Variants in BRAF observed in about 807,000 individuals in gnomAD.
BRAF encodes serine/threonine-protein kinase B-raf.
A neutral mutation model predicts 104.6 loss-of-function variants in BRAF; 16 were observed. The observed-to-expected ratio is 0.15, with a 90% CI of 0.10 to 0.23. The LOEUF (loss-of-function observed/expected upper bound fraction) is 0.23. Ranked by LOEUF, BRAF falls within the 10% of genes least tolerant of loss-of-function variation. The pLI is 1.00. For missense variants in BRAF, 541 were observed against 937.3 expected (o/e 0.58, Z 5.52); for synonymous variants, 310 against 341.6 (o/e 0.91, Z 1.02).
At chr7:140,910,377 T>C (rs577163751) in intron 1 of BRAF, among the ~76,000 whole-genome samples, 13 of 152,358 alleles carry the variant, frequency 8.5e-5, no homozygotes, top group African/African-American at 3.1e-4. Flanking sequence ...TTCCCATGTC[T>C]TCTTGATCTG....
intron 7 of BRAF, chr7:140,799,767 T>C (rs1192165156): frequency 4.2e-6 from 1 of 236,932 alleles, no homozygotes; most frequent in African/African-American, 2.2e-5. Context: ...ATATACTCCA[T>C]CATAAATTGT....
chr7:140,883,910 C>G (rs2129106615), intron 1 of BRAF, among the ~76,000 whole-genome samples: 1 of 152,268 alleles, frequency 6.6e-6, no homozygotes, highest in East Asian at 1.9e-4. Context: ...TAAGGTTTAG[C>G]AGGTTAAGTA....
chr7:140,752,304 C>A (rs553449682), intron 16 of BRAF, among the ~76,000 whole-genome samples: 1 of 152,272 alleles, frequency 6.6e-6, no homozygotes, highest in African/African-American at 2.4e-5. Context: ...GTAGCTGGAA[C>A]TATGGACTCC....
intron 14 of BRAF, among the ~76,000 whole-genome samples, chr7:140,767,698 C>T (rs1181742816): frequency 6.6e-6 from 1 of 152,126 alleles, no homozygotes; most frequent in Non-Finnish European, 1.5e-5. Flanking sequence ...TTCGAAGGGA[C>T]TGAATAAGTT....
chr7:140,913,957 A>G (rs1057199684), intron 1 of BRAF, among the ~76,000 whole-genome samples: 2 of 152,218 alleles, frequency 1.3e-5, no homozygotes, highest in African/African-American at 4.8e-5. Flanking sequence ...TTTTAAAGTA[A>G]CATTAATAGA....
chr7:140,795,155 T>C (rs1265952554), intron 7 of BRAF, among the ~76,000 whole-genome samples: 1 of 152,240 alleles, frequency 6.6e-6, no homozygotes, highest in Non-Finnish European at 1.5e-5. Context: ...GTTACATTTG[T>C]ATGCTATTTG....
intron 3 of BRAF, among the ~76,000 whole-genome samples, chr7:140,829,993 G>A (rs1806539304): frequency 6.6e-6 from 1 of 152,006 alleles, no homozygotes; most frequent in Non-Finnish European, 1.5e-5. Flanking sequence ...TATCTTAAAA[G>A]GTATGTCTTT....
intron 17 of BRAF, among the ~76,000 whole-genome samples, chr7:140,743,762 T>C (rs936750076): frequency 6.6e-6 from 1 of 151,524 alleles, no homozygotes; most frequent in Non-Finnish European, 1.5e-5. Context: ...AACCTAACTA[T>C]AGTATACATT....
At chr7:140,762,885 G>A (rs1182085418) in intron 14 of BRAF, among the ~76,000 whole-genome samples, 1 of 152,230 alleles carries the variant, frequency 6.6e-6, no homozygotes, top group African/African-American at 2.4e-5. Flanking sequence ...TTAACCCTGA[G>A]TGGACACAGC....
chr7:140,907,807 C>T (rs761165891), intron 1 of BRAF, among the ~76,000 whole-genome samples: 7 of 151,554 alleles, frequency 4.6e-5, no homozygotes, highest in Non-Finnish European at 1.0e-4. Context: ...TGCAGTGGTG[C>T]CATCTCGGCT....
downstream of BRAF, among the ~76,000 whole-genome samples, chr7:140,718,838 A>T (rs930845392): frequency 1.3e-5 from 2 of 152,242 alleles, no homozygotes; most frequent in Non-Finnish European, 2.9e-5. Context: ...CAACTCACTG[A>T]GGTAACCAGC....
At chr7:140,762,527 A>T (rs1798842255) in intron 14 of BRAF, among the ~76,000 whole-genome samples, 1 of 151,842 alleles carries the variant, frequency 6.6e-6, no homozygotes, top group Admixed American at 6.6e-5. Flanking sequence ...GAAGGCAAGA[A>T]TTAACTGAAA....
At position 140,749,272 on chromosome 7, in the gene BRAF, G is replaced by C. The variant is rs766089848; in HGVS notation, c.2112+15C>G. On this transcript the variant is annotated intron_variant, in intron 17 of 19. Transcript: ENST00000644969. Reference sequence around the variant, plus strand: ...TAGACGGTAAAATAAACACCAAGACGTGGTAAATATTTACCTGGTCCCTGT... The same window carrying C: ...TAGACGGTAAAATAAACACCAAGACCTGGTAAATATTTACCTGGTCCCTGT... 6.2e-7 allele frequency: 1 copy of C among 1,610,410 alleles called. No homozygotes were observed. The highest frequency in any genetic ancestry group is 8.5e-7 in the Non-Finnish European group (1 of 1,178,902).
chr7:140,713,697 T>C, the BRAF span, among the ~76,000 whole-genome samples: 3 of 152,216 alleles, frequency 2.0e-5, no homozygotes, highest in Admixed American at 1.3e-4. Flanking sequence ...ATTTTTATAG[T>C]TTCCAGTTTT....
chr7:140,713,543 G>A, the BRAF span, among the ~76,000 whole-genome samples: 1 of 151,872 alleles, frequency 6.6e-6, no homozygotes, highest in Non-Finnish European at 1.5e-5. Context: ...TAACTTCTTT[G>A]CCATTGATTT....
intron 3 of BRAF, among the ~76,000 whole-genome samples, chr7:140,811,261 G>A (rs1362492062): frequency 6.6e-6 from 1 of 152,182 alleles, no homozygotes; most frequent in Non-Finnish European, 1.5e-5. Flanking sequence ...ATATGACCAC[G>A]AGGTGGCAGT....
In BRAF at chr7:140,852,083, A is replaced by T. The variant is rs186112362; in HGVS notation, c.139-1871T>A. Among the ~76,000 whole-genome samples, 16 of 152,332 alleles carry T rather than the reference A, an allele frequency of 1.1e-4. No individual in the cohort carries two copies. The South Asian group carries it at 1.4e-3, about 14-fold the overall frequency. On this transcript the variant is annotated intron_variant, in intron 1 of 19. Coordinates refer to ENST00000644969, the MANE Select transcript of BRAF (RefSeq NM_001374258.1). ...TCTGAAAGACTGTGAGAACAGCAGA[A>T]GCTGGCCTAGCATAGTGGCTCACAT...
chr7:140,785,896 G>A (rs2129029697), intron 9 of BRAF: 1 of 396,976 alleles, frequency 2.5e-6, no homozygotes, highest in Non-Finnish European at 4.4e-6. Flanking sequence ...TAAACAAGAT[G>A]AATTGAAGCC....
At chr7:140,745,530 T>C (rs1385879317) in intron 17 of BRAF, among the ~76,000 whole-genome samples, 1 of 152,170 alleles carries the variant, frequency 6.6e-6, no homozygotes, top group Non-Finnish European at 1.5e-5. Context: ...ATGTGGCACA[T>C]ACACAACGAA....
Sources: gnomAD v4.1 joint callset for allele counts (sites outside exome capture counted in the v4.1 genomes callset) on GRCh38, gnomAD v4.1.1 for gene constraint, MANE v1.5 for transcripts, NCBI Gene and HGNC (gene_info 2026-07-23, HGNC 2026-07-21) for gene names.